Variants in LRP11 observed in about 807,000 individuals in gnomAD.
The protein encoded by LRP11 is LDL receptor related protein 11.
Under a neutral mutation model 43.1 loss-of-function variants are expected in LRP11, and 25 were observed. The observed-to-expected ratio is 0.58, with a 90% confidence interval of 0.42 to 0.81. LRP11 has a LOEUF of 0.81. Ranked by LOEUF, LRP11 falls within the 30% of genes least tolerant of loss-of-function variation. LRP11 has a pLI of 0.00. For synonymous variants in LRP11, 316 were observed against 299.4 expected, an observed-to-expected ratio of 1.06 and a Z score of -0.57; for missense variants, 623 against 665.1, an observed-to-expected ratio of 0.94 and a Z score of 0.70.
At chr6:149,849,744 A>G (rs7743823) in intron 2 of LRP11, among the ~76,000 whole-genome samples, 55,041 of 152,140 alleles carry the variant, frequency 0.36, 10,840 homozygotes, top group East Asian at 0.82. Flanking sequence ...GAATGAATGA[A>G]TGAATAAACG....
intron 2 of LRP11, among the ~76,000 whole-genome samples, chr6:149,849,222 G>A (rs1400943257): frequency 6.6e-6 from 1 of 152,110 alleles, no homozygotes; most frequent in Non-Finnish European, 1.5e-5. Context: ...TTTGTATCAT[G>A]TTCCTAAATG....
At chr6:149,860,282 G>A (rs923260060) in intron 1 of LRP11, among the ~76,000 whole-genome samples, 1 of 152,156 alleles carries the variant, frequency 6.6e-6, no homozygotes, top group East Asian at 1.9e-4. Flanking sequence ...TCTTCCCCGA[G>A]ATACTGGACT....
intron 3 of LRP11, among the ~76,000 whole-genome samples, chr6:149,839,030 G>GA: frequency 6.6e-6 from 1 of 151,254 alleles, no homozygotes; most frequent in East Asian, 1.9e-4. Context: ...AAACCCAAGT[G>GA]AAATCTTGGA....
At chr6:149,838,850 G>A (rs1047630408) in intron 3 of LRP11, among the ~76,000 whole-genome samples, 64 of 152,110 alleles carry the variant, frequency 4.2e-4, no homozygotes, top group African/African-American at 1.5e-3. Context: ...AGGAGAACCG[G>A]GTGACTATCT....
At chr6:149,845,377 C>T (rs1177618580) in intron 2 of LRP11, among the ~76,000 whole-genome samples, 1 of 152,174 alleles carries the variant, frequency 6.6e-6, no homozygotes, top group Non-Finnish European at 1.5e-5. Flanking sequence ...GAATTGAGAC[C>T]TCGAGTTGTA....
At chr6:149,823,623 C>G (rs1468273997) in intron 6 of LRP11, among the ~76,000 whole-genome samples, 1 of 152,032 alleles carries the variant, frequency 6.6e-6, no homozygotes, top group African/African-American at 2.4e-5. Context: ...ACAAGAGGAC[C>G]TGGAGCTGAT....
chr6:149,863,130 T>C (rs1474976635), intron 1 of LRP11, among the ~76,000 whole-genome samples: 1 of 152,168 alleles, frequency 6.6e-6, no homozygotes, highest in Admixed American at 6.5e-5. Flanking sequence ...CTCTCAGCAT[T>C]TCTCCCCTTT....
chr6:149,837,423 G>A lies in LRP11; in HGVS notation c.954C>T (p.Asp318=), dbSNP rs41288441. The part of the protein sequence containing the change: ...HTCSRYHFFC[D]DGCCIDITLA... ...GCGTGATGTCAATGCAGCAGCCATC[G>A]TCACAGAAGAAGTGGTAGCGTGAGC... The change falls in exon 4 of 7, where the codon GAC becomes GAT. Residue 318 remains aspartate (D), a synonymous_variant. Coordinates refer to ENST00000239367, the MANE Select transcript of LRP11 (RefSeq NM_032832.6). 2.0e-5 allele frequency: 33 copies of A among 1,614,074 alleles called. No homozygotes were observed. Among genetic ancestry groups the A allele is most frequent in the African/African-American group, 2.7e-5 (2 of 75,004 alleles).
rs764397381 is a variant in LRP11 at position 149,826,340 on chromosome 6, C to G, written c.1272G>C (p.Lys424Asn). Residue 424 changes from lysine to asparagine, a missense_variant, in exon 6 of 7, where the codon AAG becomes AAC. Transcript: ENST00000239367. ...ATATATAACTTTCCTCTTTTCTGTT[C>G]TTCCCTGAGGAACTACTATCTGCAG... is the stretch of plus-strand genomic sequence containing the variant. ...PVMPDSSSSG[K>N]NRKEESYIFE... 1 of 1,613,080 alleles carries G rather than the reference C, an allele frequency of 6.2e-7. No individual in the cohort carries two copies. Among genetic ancestry groups the G allele is most frequent in the Non-Finnish European group, 8.5e-7 (1 of 1,179,090 alleles).
At chr6:149,858,873 G>C (rs2342765) in intron 1 of LRP11, among the ~76,000 whole-genome samples, 79,194 of 152,008 alleles carry the variant, frequency 0.52, 23,738 homozygotes, top group East Asian at 0.84. Context: ...CAGCATAGAT[G>C]ATTTTCCTAA....
Position 149,839,610 on chromosome 6 carries a change from C to T in LRP11, c.914-2147G>A, listed in dbSNP as rs186198955. On this transcript the variant is annotated intron_variant, in intron 3 of 6. Transcript: ENST00000239367. ...CAGCCTCCAAACTTTTTTGATCATG[C>T]ATCCTGATCAATAATATATTGTTGA... Among the ~76,000 whole-genome samples the T allele has an allele frequency of 2.6e-4, 40 of 152,318 alleles. No individual in the cohort carries two copies. The East Asian group carries it at 6.8e-3, about 26-fold the overall frequency.
chr6:149,859,400 T>A (rs184652735), intron 1 of LRP11, among the ~76,000 whole-genome samples: 4,203 of 58,938 alleles, frequency 0.071, 86 homozygotes, highest in East Asian at 0.13. Context: ...ATATATATTT[T>A]TTTTTTTTTT....
intron 1 of LRP11, among the ~76,000 whole-genome samples, chr6:149,858,487 A>AT (rs1421920133): frequency 7.9e-5 from 12 of 152,300 alleles, no homozygotes; most frequent in African/African-American, 2.9e-4. Context: ...GCTATTGTGA[A>AT]TAGTGCCACA....
At chr6:149,851,349 G>T (rs1776716432) in intron 2 of LRP11, among the ~76,000 whole-genome samples, 1 of 152,148 alleles carries the variant, frequency 6.6e-6, no homozygotes, top group Admixed American at 6.5e-5. Flanking sequence ...TCAATTAGGG[G>T]TATTAGATGT....
At chr6:149,833,329 G>A (rs567546252) in intron 5 of LRP11, among the ~76,000 whole-genome samples, 1 of 152,306 alleles carries the variant, frequency 6.6e-6, no homozygotes, top group Admixed American at 6.5e-5. Context: ...GACAGCAGAG[G>A]GGGAGGGCAG....
intron 1 of LRP11, among the ~76,000 whole-genome samples, chr6:149,861,345 A>G (rs1052606744): frequency 6.6e-6 from 1 of 152,172 alleles, no homozygotes; most frequent in Non-Finnish European, 1.5e-5. Context: ...GACCTCAGGA[A>G]GTCTGAGCAC....
At chr6:149,821,468 C>A (rs1776277788) in intron 6 of LRP11, among the ~76,000 whole-genome samples, 1 of 152,168 alleles carries the variant, frequency 6.6e-6, no homozygotes, top group Non-Finnish European at 1.5e-5. Flanking sequence ...AATTTATTTC[C>A]TTCTAAATCC....
At chr6:149,820,761 C>T (rs939823009) in intron 6 of LRP11, 58 bp from the exon 7 acceptor site, 18 of 771,632 alleles carry the variant, frequency 2.3e-5, no homozygotes, top group Middle Eastern at 2.3e-4. Flanking sequence ...GTGACAGCTA[C>T]TGGTCACTAT....
At chr6:149,861,732 G>C (rs1349931960) in intron 1 of LRP11, among the ~76,000 whole-genome samples, 1 of 152,140 alleles carries the variant, frequency 6.6e-6, no homozygotes, top group African/African-American at 2.4e-5. Flanking sequence ...TGTTGGCCAG[G>C]CTGGTCTCTA....
Sources: gnomAD v4.1 joint callset for allele counts (sites outside exome capture counted in the v4.1 genomes callset) on GRCh38, gnomAD v4.1.1 for gene constraint, MANE v1.5 for transcripts, NCBI Gene and HGNC (gene_info 2026-07-23, HGNC 2026-07-21) for gene names.